The following CDC27 variants were observed in gnomAD, a reference collection of about 807,000 sequenced individuals.
CDC27 encodes cell division cycle protein 27 homolog.
CDC27 carries 27 observed loss-of-function variants against 109.7 expected under a neutral mutation model. The observed-to-expected ratio is 0.25, with a 90% CI of 0.18 to 0.34. CDC27 has a LOEUF of 0.34. Ranked by LOEUF, CDC27 falls within the 10% of genes least tolerant of loss-of-function variation. The pLI is 1.00. For missense variants in CDC27, 579 were observed against 960.2 expected, an observed-to-expected ratio of 0.60 and a Z score of 5.25; for synonymous variants, 266 against 333.9, an observed-to-expected ratio of 0.80 and a Z score of 2.22.
chr17:47,160,363 G>A (rs543563765), intron 4 of CDC27, among the ~76,000 whole-genome samples: 1 of 152,054 alleles, frequency 6.6e-6, no homozygotes, highest in Admixed American at 6.6e-5. Flanking sequence ...GAGTAGCTGG[G>A]ATTACAGGTG....
At chr17:47,157,585 T>G (rs1414653063) in intron 5 of CDC27, among the ~76,000 whole-genome samples, 1 of 69,120 alleles carries the variant, frequency 1.4e-5, no homozygotes, top group Non-Finnish European at 3.4e-5. Context: ...GATAAAGCTG[T>G]AAATGAAAAT....
At chr17:47,180,945 T>TAAA (rs34061862) in intron 2 of CDC27, among the ~76,000 whole-genome samples, 7 of 111,660 alleles carry the variant, frequency 6.3e-5, no homozygotes, top group Admixed American at 2.9e-4. Flanking sequence ...ACTCTTTTCT[T>TAAA]AAAAAAAAAA....
At chr17:47,164,946 A>G (rs2063600459) in intron 4 of CDC27, among the ~76,000 whole-genome samples, 1 of 152,196 alleles carries the variant, frequency 6.6e-6, no homozygotes. Flanking sequence ...TACAATCAGG[A>G]TATAAAACTG....
intron 7 of CDC27, 124 bp from the exon 8 acceptor site, chr17:47,154,910 C>T (rs781663205): frequency 3.8e-6 from 2 of 522,368 alleles, no homozygotes; most frequent in Non-Finnish European, 6.8e-6. Context: ...CAGTGAGGAT[C>T]TGAGGGGCAG....
chr17:47,186,165 G>T (rs2064427672), intron 1 of CDC27, among the ~76,000 whole-genome samples: 1 of 152,170 alleles, frequency 6.6e-6, no homozygotes, highest in South Asian at 2.1e-4. Context: ...CCAAAGTGGT[G>T]CTTTTATTAC....
intron 4 of CDC27, chr17:47,159,242 G>C: frequency 1.9e-6 from 1 of 520,110 alleles, no homozygotes. Flanking sequence ...AGACTCTAGT[G>C]TGGGTCTTGA....
intron 18 of CDC27, 80 bp from the exon 19 acceptor site, chr17:47,121,097 T>G (rs1401797080): frequency 5.7e-6 from 5 of 881,726 alleles, no homozygotes; most frequent in Non-Finnish European, 9.2e-6. Flanking sequence ...GTAAGAAAAA[T>G]TGTATTATAT....
rs2062369312 is a variant in CDC27 at position 47,132,321 on chromosome 17, A to G, written c.1967T>C (p.Met656Thr). 1.9e-6 allele frequency: 3 copies of G among 1,607,762 alleles called. No homozygotes were observed. The highest frequency in any genetic ancestry group is 1.1e-5 in the South Asian group (1 of 90,000). Residue 656 changes from methionine to threonine, a missense_variant, in exon 15 of 19, where the codon ATG (methionine) becomes ACG (threonine). By Grantham distance (81) the Met-to-Thr change is moderately conservative. This residue lies in a region of CDC27 where 227 missense variants were observed against 363.6 expected (regional missense o/e 0.62). Coordinates refer to ENST00000066544, the MANE Select transcript of CDC27 (RefSeq NM_001256.6). ...YKQEKFSLAE[M>T]HFQKALDINP... ...GATATCAAGCGCTTTTTGGAAATGCATTTCTGCAAGGCTGAATTTTTCTTG... is the reference window on the plus strand; with the variant it reads ...GATATCAAGCGCTTTTTGGAAATGCGTTTCTGCAAGGCTGAATTTTTCTTG...
chr17:47,132,988 C>CATATATATATAT (rs1158266100), intron 14 of CDC27, among the ~76,000 whole-genome samples: 13 of 40,876 alleles, frequency 3.2e-4, no homozygotes, highest in African/African-American at 6.5e-4. Flanking sequence ...TGCCCAGGCG[C>CATATATATATAT]ATATATATAT....
intron 13 of CDC27, 122 bp from the exon 14 acceptor site, chr17:47,137,482 G>A: frequency 3.8e-6 from 2 of 520,812 alleles, no homozygotes; most frequent in Non-Finnish European, 3.3e-6. Flanking sequence ...AGCTTCAGTA[G>A]ATACTCAATT....
chr17:47,134,568 C>T (rs891950466), intron 14 of CDC27, among the ~76,000 whole-genome samples: 11 of 152,044 alleles, frequency 7.2e-5, no homozygotes, highest in Non-Finnish European at 7.4e-5. Context: ...CTCCACCTCC[C>T]AGGTTCAAGT....
At chr17:47,147,067 A>G (rs1363479380) in intron 9 of CDC27, among the ~76,000 whole-genome samples, 1 of 152,188 alleles carries the variant, frequency 6.6e-6, no homozygotes, top group East Asian at 1.9e-4. Context: ...CCTGTCTCAA[A>G]GAAAAAAAGT....
rs1343126576 is a variant in CDC27, at chr17:47,118,396, A to C, written c.*2539T>G. ...ACTGTTCTCTTGAAAAAATATTCTA[A>C]CCTTCTAAAATCCCAGAGTTAAGAA... On this transcript the variant is annotated 3_prime_UTR_variant, in exon 19 of 19. Coordinates refer to ENST00000066544, the MANE Select transcript of CDC27 (RefSeq NM_001256.6). The C allele has an allele frequency of 6.6e-6, 1 of 152,668 alleles. No homozygotes were observed. The highest frequency in any genetic ancestry group is 2.4e-5 in the African/African-American group (1 of 41,406). 9.5% of individuals were successfully genotyped at this position (152,668 alleles called of 1,614,324 possible).
intron 9 of CDC27, among the ~76,000 whole-genome samples, chr17:47,148,489 G>C (rs916441010): frequency 6.6e-6 from 1 of 152,108 alleles, no homozygotes; most frequent in East Asian, 1.9e-4. Context: ...GAGAGGGTAA[G>C]ACATGGACAT....
chr17:47,133,028 T>TATATATATATATATAC (rs1555783886), intron 14 of CDC27, among the ~76,000 whole-genome samples: 2 of 29,822 alleles, frequency 6.7e-5, no homozygotes, highest in African/African-American at 2.9e-4. Flanking sequence ...TATATATATA[T>TATATATATATATATAC]ACACACACAC....
rs1237600486 is a variant in CDC27, at chr17:47,129,504, T to C, written c.2049A>G (p.Lys683=). ...GGGTATCCAAAGCCTTCTCTGATTT[T>C]TTCAGTGCATGTTGAACCTGTAAGA... ...CHIGVVQHAL[K]KSEKALDTLN... The change falls in exon 16 of 19, where the codon AAA becomes AAG. Residue 683 remains lysine, a synonymous_variant. Coordinates refer to ENST00000066544, the MANE Select transcript of CDC27 (RefSeq NM_001256.6). The C allele has an allele frequency of 1.7e-5, 28 of 1,605,972 alleles. No individual in the cohort carries two copies. The highest frequency in any genetic ancestry group is 2.3e-5 in the Non-Finnish European group (27 of 1,175,004).
Position 47,129,537 on chromosome 17 carries a change from A to C in CDC27, c.2032-16T>G. Reference sequence around the variant, plus strand: ...CATGTTGAACCTGTAAGAAATAAAGATCATGTTAATACTCCCTCTTGATAT... The same window carrying C: ...CATGTTGAACCTGTAAGAAATAAAGCTCATGTTAATACTCCCTCTTGATAT... On this transcript the variant is annotated splice_polypyrimidine_tract_variant and intron_variant, in intron 15 of 18. Transcript: ENST00000066544. 1 of 1,570,738 alleles carries C rather than the reference A, an allele frequency of 6.4e-7. No homozygotes were observed. The highest frequency in any genetic ancestry group is 8.7e-7 in the Non-Finnish European group (1 of 1,152,684).
intron 4 of CDC27, among the ~76,000 whole-genome samples, chr17:47,165,633 T>C (rs1282960460): frequency 6.6e-6 from 1 of 152,204 alleles, no homozygotes; most frequent in Non-Finnish European, 1.5e-5. Flanking sequence ...GTATTTTCAT[T>C]AATGTCTTTT....
intron 4 of CDC27, among the ~76,000 whole-genome samples, chr17:47,162,256 T>C (rs1392643591): frequency 6.6e-6 from 1 of 152,198 alleles, no homozygotes; most frequent in African/African-American, 2.4e-5. Context: ...GTTCCCTCTT[T>C]ATTTTCACTG....
Sources: gnomAD v4.1 joint callset for allele counts (sites outside exome capture counted in the v4.1 genomes callset) on GRCh38, gnomAD v4.1.1 for gene constraint, gnomAD v4.1.1 regional missense constraint, MANE v1.5 for transcripts, NCBI Gene and HGNC (gene_info 2026-07-23, HGNC 2026-07-21) for gene names.